ATF7IP: variants seen among roughly 807,000 people sequenced by gnomAD.
The protein encoded by ATF7IP is activating transcription factor 7-interacting protein 1.
Under a neutral mutation model 106.4 loss-of-function variants are expected in ATF7IP, and 23 were observed. The observed-to-expected ratio is 0.22, with a 90% CI of 0.16 to 0.31. The LOEUF is 0.31. Ranked by LOEUF, ATF7IP falls within the 10% of genes least tolerant of loss-of-function variation. The probability of loss-of-function intolerance (pLI) is 1.00; values close to 1 mark genes in which losing one functional copy is unlikely to be tolerated. For missense variants in ATF7IP, 1,334 were observed against 1,524.3 expected, an observed-to-expected ratio of 0.88 and a Z score of 2.08; for synonymous variants, 542 against 539.0, an observed-to-expected ratio of 1.01 and a Z score of -0.08.
chr12:14,375,804 C>T (rs546279661), intron 1 of ATF7IP, among the ~76,000 whole-genome samples: 173 of 152,274 alleles, frequency 1.1e-3, no homozygotes, highest in Admixed American at 4.5e-3. Flanking sequence ...ATTGGTGAAT[C>T]AATTAGTCAG....
chr12:14,446,706 G>A (rs1268729012), intron 5 of ATF7IP, among the ~76,000 whole-genome samples: 1 of 152,160 alleles, frequency 6.6e-6, no homozygotes, highest in Non-Finnish European at 1.5e-5. Context: ...ATTCAGGAAT[G>A]TACTGGTAAG....
At chr12:14,455,759 A>G (rs1214688904) in intron 6 of ATF7IP, among the ~76,000 whole-genome samples, 3 of 147,114 alleles carry the variant, frequency 2.0e-5, no homozygotes, top group Non-Finnish European at 4.5e-5. Context: ...TAATTTTTGT[A>G]TTTTTTTTTT....
At chr12:14,446,510 G>C (rs962296778) in intron 5 of ATF7IP, among the ~76,000 whole-genome samples, 1 of 152,204 alleles carries the variant, frequency 6.6e-6, no homozygotes, top group Non-Finnish European at 1.5e-5. Context: ...TTGTGAAAAA[G>C]TAATATATGA....
intron 5 of ATF7IP, among the ~76,000 whole-genome samples, chr12:14,446,488 A>T (rs1942965879): frequency 1.3e-5 from 2 of 152,176 alleles, no homozygotes; most frequent in African/African-American, 4.8e-5. Context: ...CTAACAGAAT[A>T]TGTAATTTAA....
At chr12:14,467,105 C>T (rs1943862259) in intron 10 of ATF7IP, among the ~76,000 whole-genome samples, 1 of 152,058 alleles carries the variant, frequency 6.6e-6, no homozygotes, top group Admixed American at 6.6e-5. Flanking sequence ...ATCTTAACCA[C>T]CCGGTAATAG....
chr12:14,450,467 A>C (rs947027436), intron 6 of ATF7IP, among the ~76,000 whole-genome samples: 1 of 152,188 alleles, frequency 6.6e-6, no homozygotes, highest in African/African-American at 2.4e-5. Context: ...AATATGTTAC[A>C]TTGATTTTTA....
chr12:14,452,717 C>A (rs1214590290), intron 6 of ATF7IP, among the ~76,000 whole-genome samples: 1 of 151,968 alleles, frequency 6.6e-6, no homozygotes, highest in African/African-American at 2.4e-5. Context: ...CTTTTAAGTT[C>A]TATACCAGAA....
In ATF7IP at chr12:14,501,673, C is replaced by T. The variant is rs1180505491; in HGVS notation, c.*3600C>T. ...GTATTTGTTGAGATACCATTTGCCT[C>T]ACAGAGAGGTGTTCCCCACTCCCAT... is the stretch of plus-strand genomic sequence containing the variant. On this transcript the variant is annotated 3_prime_UTR_variant, in exon 15 of 15. Coordinates refer to ENST00000261168, the MANE Select transcript of ATF7IP (RefSeq NM_018179.5). 1.3e-5 allele frequency: 2 copies of T among 152,148 alleles called. No individual in the cohort carries two copies. The highest frequency in any genetic ancestry group is 2.9e-5 in the Non-Finnish European group (2 of 68,034). The allele number at this position is 152,148 out of a possible 1,614,324, so 9.4% of individuals were successfully genotyped here.
intron 9 of ATF7IP, among the ~76,000 whole-genome samples, chr12:14,464,864 C>A (rs1943770627): frequency 6.6e-6 from 1 of 152,138 alleles, no homozygotes; most frequent in Non-Finnish European, 1.5e-5. Flanking sequence ...TTTTATTAAG[C>A]AGTCTAAATC....
intron 12 of ATF7IP, among the ~76,000 whole-genome samples, chr12:14,480,750 T>G (rs1026893001): frequency 1.1e-4 from 17 of 152,322 alleles, no homozygotes; most frequent in Middle Eastern, 3.4e-3. Flanking sequence ...TTGCTTATTA[T>G]CTGGTCAAAC....
chr12:14,433,762 T>C (rs192801881), intron 2 of ATF7IP, among the ~76,000 whole-genome samples: 10 of 152,292 alleles, frequency 6.6e-5, no homozygotes, highest in Admixed American at 5.2e-4. Flanking sequence ...GAGATTATAT[T>C]GTGGCCATGT....
At chr12:14,479,799 T>A (rs1225299003) in intron 12 of ATF7IP, among the ~76,000 whole-genome samples, 1 of 151,682 alleles carries the variant, frequency 6.6e-6, no homozygotes, top group Non-Finnish European at 1.5e-5. Context: ...GTGTGTAGAT[T>A]TTATATTGGT....
intron 1 of ATF7IP, among the ~76,000 whole-genome samples, chr12:14,401,916 G>A (rs1041944625): frequency 2.7e-5 from 4 of 150,758 alleles, no homozygotes; most frequent in African/African-American, 9.7e-5. Context: ...GTTTTACCTT[G>A]TTGTCCAGGC....
At chr12:14,369,252 C>G (rs1285924582) in intron 1 of ATF7IP, 2 of 152,212 alleles carry the variant, frequency 1.3e-5, no homozygotes, top group African/African-American at 4.8e-5. Flanking sequence ...CATGTCCAGC[C>G]TGTACTGCCT....
At chr12:14,493,017 G>T (rs1944879973) in intron 13 of ATF7IP, among the ~76,000 whole-genome samples, 1 of 152,124 alleles carries the variant, frequency 6.6e-6, no homozygotes, top group Non-Finnish European at 1.5e-5. Context: ...TTAGTCTTTG[G>T]ATCCCTTCCT....
chr12:14,439,539 C>A (rs74713389), intron 5 of ATF7IP, among the ~76,000 whole-genome samples: 1 of 152,080 alleles, frequency 6.6e-6, no homozygotes, highest in Admixed American at 6.6e-5. Context: ...TTTTTAAAAC[C>A]TAAGTTTTTG....
intron 1 of ATF7IP, among the ~76,000 whole-genome samples, chr12:14,418,976 C>G (rs1941350539): frequency 6.6e-6 from 1 of 151,730 alleles, no homozygotes; most frequent in Non-Finnish European, 1.5e-5. Flanking sequence ...TAAAAAATAC[C>G]AAAGAGGAAT....
intron 5 of ATF7IP, among the ~76,000 whole-genome samples, chr12:14,442,891 A>T (rs1310692072): frequency 6.6e-6 from 1 of 152,194 alleles, no homozygotes; most frequent in Admixed American, 6.5e-5. Flanking sequence ...GTGATGGCTC[A>T]TGCTTGTAAT....
intron 2 of ATF7IP, among the ~76,000 whole-genome samples, chr12:14,427,713 A>G (rs1166683683): frequency 6.6e-6 from 1 of 152,082 alleles, no homozygotes; most frequent in Non-Finnish European, 1.5e-5. Flanking sequence ...TGAGGCCAGA[A>G]ACTTTGGAAC....
Sources: gnomAD v4.1 joint callset for allele counts (sites outside exome capture counted in the v4.1 genomes callset) on GRCh38, gnomAD v4.1.1 for gene constraint, MANE v1.5 for transcripts, NCBI Gene and HGNC (gene_info 2026-07-23, HGNC 2026-07-21) for gene names.